Variants in MBNL1 observed in about 807,000 individuals in gnomAD.
MBNL1 encodes muscleblind-like protein 1.
MBNL1 carries 8 observed loss-of-function variants against 42.2 expected under a neutral mutation model. The observed-to-expected ratio is 0.19, with a 90% CI of 0.11 to 0.34. MBNL1 has a LOEUF of 0.34. MBNL1 is among the 10% of genes least tolerant of loss of function. The pLI is 1.00. For synonymous variants in MBNL1, 169 were observed against 173.9 expected, an observed-to-expected ratio of 0.97 and a Z score of 0.22; for missense variants, 309 against 495.3, an observed-to-expected ratio of 0.62 and a Z score of 3.57.
chr3:152,456,568 A>AT (rs1184478829), intron 8 of MBNL1, among the ~76,000 whole-genome samples: 1 of 152,180 alleles, frequency 6.6e-6, no homozygotes, highest in Non-Finnish European at 1.5e-5. Flanking sequence ...GAATGCTTTT[A>AT]TGCCATTTAT....
intron 2 of MBNL1, among the ~76,000 whole-genome samples, chr3:152,410,440 GAA>G (rs997591327): frequency 1.3e-5 from 2 of 152,146 alleles, no homozygotes; most frequent in African/African-American, 4.8e-5. Context: ...GAAAAGTACA[GAA>G]AAAATATTAC....
intron 4 of MBNL1, among the ~76,000 whole-genome samples, chr3:152,436,202 CA>C (rs376133631): frequency 2.0e-5 from 3 of 152,252 alleles, no homozygotes; most frequent in Non-Finnish European, 4.4e-5. Flanking sequence ...GCATATATTA[CA>C]AAGGCTGTCA....
chr3:152,402,812 C>T (rs1384615320), intron 2 of MBNL1, among the ~76,000 whole-genome samples: 5 of 152,102 alleles, frequency 3.3e-5, no homozygotes, highest in African/African-American at 1.2e-4. Context: ...GACAGAATAT[C>T]CTATATTCTG....
At chr3:152,372,423 C>T (rs183717273) in intron 2 of MBNL1, among the ~76,000 whole-genome samples, 1 of 152,196 alleles carries the variant, frequency 6.6e-6, no homozygotes, top group African/African-American at 2.4e-5. Context: ...TTTTCCTCAT[C>T]TCCCTGGATT....
chr3:152,444,623 C>T (rs944383768), intron 4 of MBNL1, among the ~76,000 whole-genome samples: 3 of 152,082 alleles, frequency 2.0e-5, no homozygotes, highest in Non-Finnish European at 4.4e-5. Context: ...CTCTTAAGAC[C>T]AGAAAAATTA....
At chr3:152,367,446 G>A (rs886290451) in intron 2 of MBNL1, among the ~76,000 whole-genome samples, 4 of 152,016 alleles carry the variant, frequency 2.6e-5, no homozygotes, top group East Asian at 1.9e-4. Flanking sequence ...CATTTGGATC[G>A]GTTCCAAGTC....
chr3:152,327,687 A>T (rs2081285565), intron 2 of MBNL1, among the ~76,000 whole-genome samples: 1 of 151,100 alleles, frequency 6.6e-6, no homozygotes, highest in African/African-American at 2.4e-5. Flanking sequence ...TTTCTTTTCC[A>T]CTCGTGATGT....
chr3:152,312,337 A>C (rs2152090169), intron 2 of MBNL1, among the ~76,000 whole-genome samples: 1 of 152,344 alleles, frequency 6.6e-6, no homozygotes, highest in East Asian at 1.9e-4. Context: ...CGATACCAAT[A>C]GCTAGTGTTA....
intron 2 of MBNL1, among the ~76,000 whole-genome samples, chr3:152,303,806 T>C (rs1489369072): frequency 6.6e-6 from 1 of 152,192 alleles, no homozygotes; most frequent in African/African-American, 2.4e-5. Flanking sequence ...TACCCATTCA[T>C]TTTTCAGGTA....
chr3:152,351,428 C>A (rs2094970220), intron 2 of MBNL1, among the ~76,000 whole-genome samples: 1 of 152,040 alleles, frequency 6.6e-6, no homozygotes, highest in Non-Finnish European at 1.5e-5. Flanking sequence ...ATGTTGTCTG[C>A]CTCTCATGTA....
At chr3:152,425,252 A>C (rs1377962746) in intron 3 of MBNL1, among the ~76,000 whole-genome samples, 1 of 152,192 alleles carries the variant, frequency 6.6e-6, no homozygotes, top group African/African-American at 2.4e-5. Flanking sequence ...GGATATGAAC[A>C]GACACTTCTC....
chr3:152,318,684 C>T (rs1163734221), intron 2 of MBNL1, among the ~76,000 whole-genome samples: 1 of 152,094 alleles, frequency 6.6e-6, no homozygotes, highest in Non-Finnish European at 1.5e-5. Context: ...TTAGCATGAG[C>T]TTGATGGATT....
chr3:152,426,552 C>A (rs2098934666), intron 3 of MBNL1, among the ~76,000 whole-genome samples: 1 of 152,148 alleles, frequency 6.6e-6, no homozygotes, highest in Non-Finnish European at 1.5e-5. Context: ...GCCAAGTGTC[C>A]TTCAGAAATT....
At chr3:152,328,300 T>C (rs1409990679) in intron 2 of MBNL1, among the ~76,000 whole-genome samples, 1 of 152,170 alleles carries the variant, frequency 6.6e-6, no homozygotes, top group Admixed American at 6.5e-5. Flanking sequence ...AAAAATATGA[T>C]ATAATATTGA....
chr3:152,441,769 C>CAGG (rs531700751), intron 4 of MBNL1, among the ~76,000 whole-genome samples: 1 of 152,136 alleles, frequency 6.6e-6, no homozygotes, highest in Non-Finnish European at 1.5e-5. Flanking sequence ...TGTTTTAATG[C>CAGG]AGGTTTGAAA....
chr3:152,254,857 C>T (rs938306475), intron 2 of MBNL1, among the ~76,000 whole-genome samples: 1 of 151,996 alleles, frequency 6.6e-6, no homozygotes, highest in African/African-American at 2.4e-5. Flanking sequence ...GAAATAAGTA[C>T]TATTATTTCC....
chr3:152,433,749 CAAAA>C (rs35614565), intron 4 of MBNL1, among the ~76,000 whole-genome samples: 2 of 91,424 alleles, frequency 2.2e-5, no homozygotes, highest in African/African-American at 7.2e-5. Context: ...GACTCCGTCT[CAAAA>C]AAAAAAAAAA....
rs529608909 is a variant in MBNL1 at position 152,453,612 on chromosome 3, G to A, written c.962-1930G>A. Among the ~76,000 whole-genome samples the A allele has an allele frequency of 1.4e-4, 21 of 152,214 alleles. No homozygotes were observed. In the South Asian group the frequency reaches 2.9e-3, roughly 21 times the overall value. On this transcript the variant is annotated intron_variant, in intron 6 of 9. Transcript: ENST00000324210. ...AAGTGATTTTCATTTTTGGTAAGTG[G>A]GTCCTACAGCATTATGTCCTCATAT... is the stretch of plus-strand genomic sequence containing the variant.
At chr3:152,297,472 C>G (rs1000799065) in intron 1 of MBNL1, among the ~76,000 whole-genome samples, 21 of 151,356 alleles carry the variant, frequency 1.4e-4, no homozygotes, top group Admixed American at 6.6e-5. Flanking sequence ...CACCCAGCCT[C>G]CCAAGGAGCT....
Sources: gnomAD v4.1 joint callset for allele counts (sites outside exome capture counted in the v4.1 genomes callset) on GRCh38, gnomAD v4.1.1 for gene constraint, MANE v1.5 for transcripts, NCBI Gene and HGNC (gene_info 2026-07-23, HGNC 2026-07-21) for gene names.